Variants in KCNJ9 observed in about 807,000 individuals in gnomAD.
The protein encoded by KCNJ9 is G protein-activated inward rectifier potassium channel 3.
KCNJ9 carries 18 observed loss-of-function variants against 27.9 expected under a neutral mutation model. That is an observed-to-expected ratio of 0.65 (90% confidence interval 0.45 to 0.96). The LOEUF (loss-of-function observed/expected upper bound fraction) is 0.96. Among genes scored for constraint, KCNJ9 ranks in the 40% least tolerant of loss-of-function variants. The pLI, the probability that KCNJ9 is intolerant of heterozygous loss-of-function variation, is 0.00. For synonymous variants in KCNJ9, 229 were observed against 248.2 expected, an observed-to-expected ratio of 0.92 and a Z score of 0.73; for missense variants, 324 against 557.5, an observed-to-expected ratio of 0.58 and a Z score of 4.22.
Position 160,085,699 on chromosome 1 carries a change from G to A in KCNJ9, c.850+819G>A, listed in dbSNP as rs1461575702. ...TTTGGGAGCAGGTGAAAAAAGACCA[G>A]TGTTACAGGAGTCGCAAAGGAGGTC... On this transcript the variant is annotated intron_variant, in intron 2 of 2. Transcript: ENST00000368088. 2.0e-5 allele frequency among the ~76,000 whole-genome samples: 3 copies of A among 152,362 alleles called. No homozygotes were observed. In the East Asian group the frequency reaches 5.8e-4, roughly 29 times the overall value.
rs1467953919 is a variant in KCNJ9 at position 160,084,177 on chromosome 1, C to T, written c.147C>T (p.Phe49=). The T allele has an allele frequency of 2.5e-6, 4 of 1,607,066 alleles. No homozygotes were observed. The highest frequency in any genetic ancestry group is 3.4e-6 in the Non-Finnish European group (4 of 1,176,828). ...RETYRYLTDL[F]TTLVDLQWRL... is the part of the protein sequence containing the mutation. ...CATACCGCTACCTGACGGACCTGTT[C>T]ACCACGCTGGTGGACCTGCAGTGGC... Residue 49 remains phenylalanine (F), a synonymous_variant, in exon 2 of 3, where the codon TTC becomes TTT. Transcript: ENST00000368088.
rs1649670360 is a variant in KCNJ9, at chr1:160,081,559, G to A, written c.-253G>A. 6.6e-6 allele frequency: 1 copy of A among 152,228 alleles called. No homozygotes were observed. The highest frequency in any genetic ancestry group is 2.1e-4 in the South Asian group (1 of 4,834). 9.4% of individuals were successfully genotyped at this position (152,228 alleles called of 1,614,324 possible). A position where few individuals can be genotyped will look rare whatever the true frequency, so the allele number is the denominator to read the frequency against. Reference sequence around the variant, plus strand: ...TGACACAGATAGCAAGTCCTAGTCAGAGCTGCCGCTACATTTAGGAGAAAC... The same window carrying A: ...TGACACAGATAGCAAGTCCTAGTCAAAGCTGCCGCTACATTTAGGAGAAAC... On this transcript the variant is annotated 5_prime_UTR_variant, in exon 1 of 3. Transcript: ENST00000368088.
chr1:160,085,951 G>A (rs1420108947), intron 2 of KCNJ9, among the ~76,000 whole-genome samples: 1 of 152,084 alleles, frequency 6.6e-6, no homozygotes, highest in Non-Finnish European at 1.5e-5. Context: ...TCCCATTCCT[G>A]CTTCACCCCG....
chr1:160,087,457 T>C, intron 2 of KCNJ9, 29 bp from the exon 3 acceptor site: 1 of 1,560,976 alleles, frequency 6.4e-7, no homozygotes, highest in East Asian at 2.3e-5. Context: ...GGAGCTGAGA[T>C]TCCCCCTGAC....
At chr1:160,082,134 C>A (rs1305188148) in intron 1 of KCNJ9, among the ~76,000 whole-genome samples, 1 of 152,210 alleles carries the variant, frequency 6.6e-6, no homozygotes, top group Non-Finnish European at 1.5e-5. Flanking sequence ...CATCGGGGTT[C>A]CTTCCCCATC....
intron 1 of KCNJ9, among the ~76,000 whole-genome samples, chr1:160,083,566 T>A (rs1227239574): frequency 6.6e-6 from 1 of 152,088 alleles, no homozygotes; most frequent in Non-Finnish European, 1.5e-5. Context: ...GTCTATTGAT[T>A]TCAGGAAATC....
In KCNJ9 at chr1:160,088,797, T is replaced by G. The variant is rs1014241827; in HGVS notation, c.*980T>G. 18 of 152,232 alleles carry G rather than the reference T, an allele frequency of 1.2e-4. No homozygotes were observed. The highest frequency in any genetic ancestry group is 3.4e-4 in the African/African-American group (14 of 41,434). The allele number at this position is 152,232 out of a possible 1,614,324, so 9.4% of individuals were successfully genotyped here. ...CATGTGGAGTGGACATTCAAAAACC[T>G]GGTTCCTGTCCTCAAAATAAGGGGC... is the stretch of plus-strand genomic sequence containing the variant. On this transcript the variant is annotated 3_prime_UTR_variant, in exon 3 of 3. Coordinates refer to ENST00000368088, the MANE Select transcript of KCNJ9 (RefSeq NM_004983.3).
chr1:160,083,673 T>C (rs1399228601), intron 1 of KCNJ9, among the ~76,000 whole-genome samples: 4 of 152,138 alleles, frequency 2.6e-5, no homozygotes, highest in Non-Finnish European at 5.9e-5. Flanking sequence ...ATCTGGTACC[T>C]CCTTCCCCTG....
Position 160,084,746 on chromosome 1 carries a change from T to A in KCNJ9, c.716T>A (p.Leu239His), listed in dbSNP as rs778480191. The part of the protein sequence containing the change: ...SVGFDTGDDR[L>H]FLVSPLVISH... ...GGCTTCGACACGGGAGACGACCGCC[T>A]CTTCCTCGTCTCGCCGCTGGTTATC... Residue 239 changes from leucine to histidine, a missense_variant, in exon 2 of 3, where the codon CTC becomes CAC. Physicochemically the swap from Leu to His is moderately conservative, Grantham distance 99 (BLOSUM62 -3). This residue lies in a region of KCNJ9 where 241 missense variants were observed against 481.7 expected (regional missense o/e 0.50). Coordinates refer to ENST00000368088, the MANE Select transcript of KCNJ9 (RefSeq NM_004983.3). 6.3e-7 allele frequency: 1 copy of A among 1,578,678 alleles called. No homozygotes were observed. Among genetic ancestry groups the A allele is most frequent in the Admixed American group, 1.8e-5 (1 of 55,132 alleles).
chr1:160,085,002 G>T (rs1304562116), intron 2 of KCNJ9, 122 bp downstream of exon 2: 8 of 1,140,212 alleles, frequency 7.0e-6, no homozygotes, highest in Non-Finnish European at 9.7e-6. Flanking sequence ...GGTGGAGGAT[G>T]AGACAGTGAG....
At chr1:160,083,258 A>T (rs1649712166) in intron 1 of KCNJ9, among the ~76,000 whole-genome samples, 1 of 152,178 alleles carries the variant, frequency 6.6e-6, no homozygotes, top group Admixed American at 6.5e-5. Context: ...GAGGATTTCT[A>T]GTGGGAATTT....
At chr1:160,083,621 T>G (rs535031150) in intron 1 of KCNJ9, among the ~76,000 whole-genome samples, 23 of 152,234 alleles carry the variant, frequency 1.5e-4, no homozygotes, top group African/African-American at 5.5e-4. Context: ...GGGCTGCCCC[T>G]GAGGTGCTGC....
At position 160,088,111 on chromosome 1, in the gene KCNJ9, T is replaced by C. The variant is rs1174422712; in HGVS notation, c.*294T>C. The C allele has an allele frequency of 5.7e-6, 2 of 350,596 alleles. No homozygotes were observed. Among genetic ancestry groups the C allele is most frequent in the African/African-American group, 4.2e-5 (2 of 47,426 alleles). The allele number at this position is 350,596 out of a possible 1,614,324, so 21.7% of individuals were successfully genotyped here. ...GGACAGAATGATGGACTTTTGGGGG[T>C]TGGATGGGAAGATGGTAGCAGATAA... On this transcript the variant is annotated 3_prime_UTR_variant, in exon 3 of 3. Coordinates refer to ENST00000368088, the MANE Select transcript of KCNJ9 (RefSeq NM_004983.3).
rs915340781 is a variant in KCNJ9, at chr1:160,090,528, T to G, written c.*2711T>G. The G allele has an allele frequency of 1.3e-5, 2 of 152,206 alleles. No individual in the cohort carries two copies. Among genetic ancestry groups the G allele is most frequent in the Admixed American group, 1.3e-4 (2 of 15,278 alleles). 9.4% of individuals were successfully genotyped at this position (152,206 alleles called of 1,614,324 possible). A position where few individuals can be genotyped will look rare whatever the true frequency, so the allele number is the denominator to read the frequency against. Reference sequence around the variant, plus strand: ...CTCATCTGTAAAAATGACAGCAAACTCGTAATGCTCAATAAATGTTTAAAT... The same window carrying G: ...CTCATCTGTAAAAATGACAGCAAACGCGTAATGCTCAATAAATGTTTAAAT... On this transcript the variant is annotated 3_prime_UTR_variant, in exon 3 of 3. Transcript: ENST00000368088.
rs1308920655 is a variant in KCNJ9, at chr1:160,084,155, A to G, written c.125A>G (p.Tyr42Cys). ...CAGCAGGGCAACGTGCGCGAGACAT[A>G]CCGCTACCTGACGGACCTGTTCACC... ...NVQQGNVRET[Y>C]RYLTDLFTTL... The change falls in exon 2 of 3, where the codon TAC becomes TGC. Residue 42 changes from tyrosine (Y) to cysteine (C), a missense_variant. Physicochemically the swap from Tyr to Cys is radical, Grantham distance 194. This residue lies in a region of KCNJ9 where 241 missense variants were observed against 481.7 expected (regional missense o/e 0.50). Coordinates refer to ENST00000368088, the MANE Select transcript of KCNJ9 (RefSeq NM_004983.3). 1.9e-6 allele frequency: 3 copies of G among 1,592,642 alleles called. No homozygotes were observed. Among genetic ancestry groups the G allele is most frequent in the Non-Finnish European group, 1.7e-6 (2 of 1,169,318 alleles).
chr1:160,087,340 A>AG (rs1489179921), intron 2 of KCNJ9, 146 bp from the exon 3 acceptor site: 5 of 1,239,300 alleles, frequency 4.0e-6, no homozygotes, highest in East Asian at 3.0e-5. Context: ...GGAGCTAGGG[A>AG]GGGGGGGAAA....
Position 160,088,623 on chromosome 1 carries a change from C to A in KCNJ9, c.*806C>A. 6.6e-6 allele frequency: 1 copy of A among 152,508 alleles called. No individual in the cohort carries two copies. 9.4% of individuals were successfully genotyped at this position (152,508 alleles called of 1,614,324 possible). ...GGAGTGAGATCTTACAGGTATCAGG[C>A]ACAGGCAGGAAGAGAGAGAGAGAGG... is the stretch of plus-strand genomic sequence containing the variant. On this transcript the variant is annotated 3_prime_UTR_variant, in exon 3 of 3. Transcript: ENST00000368088.
At position 160,087,854 on chromosome 1, in the gene KCNJ9, C is replaced by T; in HGVS notation, c.*37C>T. 7.0e-7 allele frequency: 1 copy of T among 1,419,348 alleles called. No homozygotes were observed. The highest frequency in any genetic ancestry group is 1.6e-5 in the South Asian group (1 of 61,088). 87.9% of individuals were successfully genotyped at this position (1,419,348 alleles called of 1,614,324 possible). Reference sequence around the variant, plus strand: ...CAGACCCCTGTGGCAGACCGGGGGCCAGACACAGATACATGGGGAACTGCA... The same window carrying T: ...CAGACCCCTGTGGCAGACCGGGGGCTAGACACAGATACATGGGGAACTGCA... On this transcript the variant is annotated 3_prime_UTR_variant, in exon 3 of 3. Transcript: ENST00000368088.
intron 1 of KCNJ9, among the ~76,000 whole-genome samples, chr1:160,082,179 G>C (rs1430709941): frequency 6.6e-6 from 1 of 152,220 alleles, no homozygotes; most frequent in Non-Finnish European, 1.5e-5. Context: ...CAAGCCGACT[G>C]GGGGTCAGAT....
Sources: allele counts gnomAD v4.1 joint callset (sites outside exome capture counted in the v4.1 genomes callset), GRCh38; gene constraint gnomAD v4.1.1; regional missense constraint gnomAD v4.1.1; transcripts MANE v1.5; gene names NCBI Gene and HGNC (gene_info 2026-07-23, HGNC 2026-07-21).